Variants in MAN1A1 observed in about 807,000 individuals in gnomAD.
The protein encoded by MAN1A1 is mannosyl-oligosaccharide 1,2-alpha-mannosidase IA.
A neutral mutation model predicts 70.8 loss-of-function variants in MAN1A1; 29 were observed. The observed-to-expected ratio is 0.41, with a 90% CI of 0.31 to 0.56. The LOEUF is 0.56. Ranked by LOEUF, MAN1A1 falls within the 20% of genes least tolerant of loss-of-function variation. MAN1A1 has a pLI of 0.29. For missense variants in MAN1A1, 747 were observed against 841.3 expected, an observed-to-expected ratio of 0.89 and a Z score of 1.39; for synonymous variants, 349 against 330.1, an observed-to-expected ratio of 1.06 and a Z score of -0.62.
chr6:119,342,103 A>G (rs195084), intron 2 of MAN1A1, among the ~76,000 whole-genome samples: 26,783 of 152,214 alleles, frequency 0.18, 2,664 homozygotes, highest in Admixed American at 0.29. Context: ...GAAGAAGCTG[A>G]AGATGTATAT....
At chr6:119,252,129 C>A (rs994128022) in intron 5 of MAN1A1, among the ~76,000 whole-genome samples, 20 of 152,124 alleles carry the variant, frequency 1.3e-4, no homozygotes, top group Admixed American at 4.6e-4. Flanking sequence ...ATGGAAGCAG[C>A]TGGCACTCAA....
At chr6:119,185,723 C>T (rs1160334604) in intron 11 of MAN1A1, among the ~76,000 whole-genome samples, 1 of 151,560 alleles carries the variant, frequency 6.6e-6, no homozygotes, top group East Asian at 1.9e-4. Context: ...ACTACAGGCG[C>T]CCGCCACCAC....
At chr6:119,323,039 T>C (rs3798644) in intron 2 of MAN1A1, among the ~76,000 whole-genome samples, 58,661 of 152,092 alleles carry the variant, frequency 0.39, 11,803 homozygotes, top group African/African-American at 0.41. Flanking sequence ...CTCTCTTAAT[T>C]ACAAAGTCTG....
intron 6 of MAN1A1, among the ~76,000 whole-genome samples, chr6:119,215,239 A>G (rs9385068): frequency 0.42 from 63,553 of 151,974 alleles, 13,783 homozygotes; most frequent in East Asian, 0.67. Flanking sequence ...GATACTAATC[A>G]TTCTCATTTT....
intron 6 of MAN1A1, among the ~76,000 whole-genome samples, chr6:119,212,318 T>C (rs745551232): frequency 6.6e-6 from 1 of 152,056 alleles, no homozygotes; most frequent in Non-Finnish European, 1.5e-5. Context: ...GAAAGAACAG[T>C]TTACTATCAA....
At chr6:119,193,928 A>G in intron 8 of MAN1A1, 36 bp from the exon 9 acceptor site, 1 of 1,379,264 alleles carries the variant, frequency 7.3e-7, no homozygotes, top group Non-Finnish European at 1.0e-6. Context: ...AGAGTGATTC[A>G]GCTTTTAATT....
chr6:119,233,454 G>A (rs1333909790), intron 6 of MAN1A1, among the ~76,000 whole-genome samples: 2 of 152,098 alleles, frequency 1.3e-5, no homozygotes, highest in Non-Finnish European at 2.9e-5. Flanking sequence ...ATCTAAAGAG[G>A]ATCAAAGTCC....
At chr6:119,181,537 T>C (rs1044255670) in intron 11 of MAN1A1, among the ~76,000 whole-genome samples, 1 of 151,940 alleles carries the variant, frequency 6.6e-6, no homozygotes, top group East Asian at 1.9e-4. Flanking sequence ...TACATTTCTG[T>C]AGTTGTCTGA....
chr6:119,242,055 G>C (rs1165979289), intron 6 of MAN1A1, among the ~76,000 whole-genome samples: 2 of 151,590 alleles, frequency 1.3e-5, no homozygotes, highest in East Asian at 1.9e-4. Context: ...AAAGCAACCA[G>C]AACAGTCAGA....
intron 8 of MAN1A1, among the ~76,000 whole-genome samples, chr6:119,194,134 T>C (rs1400904708): frequency 6.6e-6 from 1 of 152,170 alleles, no homozygotes; most frequent in East Asian, 1.9e-4. Flanking sequence ...ATAAAAGATA[T>C]GTAATTACCC....
chr6:119,275,274 C>T (rs1220498167), intron 5 of MAN1A1, among the ~76,000 whole-genome samples: 71 of 106,752 alleles, frequency 6.7e-4, no homozygotes, highest in Non-Finnish European at 2.9e-4. Context: ...CCATACCCAG[C>T]TAATTTTTTT....
intron 5 of MAN1A1, among the ~76,000 whole-genome samples, chr6:119,267,703 C>A (rs1010796723): frequency 6.6e-6 from 1 of 152,158 alleles, no homozygotes; most frequent in Non-Finnish European, 1.5e-5. Context: ...TCTCTCTCCC[C>A]CAAAGTAACC....
chr6:119,286,878 T>C (rs992885788), intron 5 of MAN1A1, among the ~76,000 whole-genome samples: 1 of 152,162 alleles, frequency 6.6e-6, no homozygotes, highest in Admixed American at 6.6e-5. Flanking sequence ...GGTTTGTCTA[T>C]TTTCTCTGCC....
At chr6:119,180,874 TA>T (rs140906183) in intron 11 of MAN1A1, among the ~76,000 whole-genome samples, 10 of 151,380 alleles carry the variant, frequency 6.6e-5, no homozygotes, top group Admixed American at 3.3e-4. Flanking sequence ...GAGTTTTAGG[TA>T]AAAAAAAATT....
chr6:119,242,191 T>C (rs1775031439), intron 6 of MAN1A1, among the ~76,000 whole-genome samples: 1 of 151,960 alleles, frequency 6.6e-6, no homozygotes, highest in Non-Finnish European at 1.5e-5. Context: ...CTAGCTAGCA[T>C]GTAAGACTTA....
chr6:119,273,470 T>C (rs1416278037), intron 5 of MAN1A1, among the ~76,000 whole-genome samples: 1 of 152,186 alleles, frequency 6.6e-6, no homozygotes, highest in African/African-American at 2.4e-5. Context: ...TATTACTCTG[T>C]TATGTGAGCA....
chr6:119,302,173 T>C, intron 3 of MAN1A1, 70 bp from the exon 4 acceptor site: 1 of 710,886 alleles, frequency 1.4e-6, no homozygotes, highest in Non-Finnish European at 2.5e-6. Context: ...TGACCATAAC[T>C]AAGAAAGGGA....
chr6:119,262,465 AAAAT>A (rs953626234), intron 5 of MAN1A1, among the ~76,000 whole-genome samples: 10 of 152,210 alleles, frequency 6.6e-5, no homozygotes, highest in African/African-American at 2.4e-4. Flanking sequence ...AGTAAAAAAA[AAAAT>A]AAATAAATAA....
At chr6:119,328,556 A>C (rs1332542079) in intron 2 of MAN1A1, among the ~76,000 whole-genome samples, 1 of 152,236 alleles carries the variant, frequency 6.6e-6, no homozygotes, top group African/African-American at 2.4e-5. Flanking sequence ...ACAGAGAAAA[A>C]TAATTTTCTG....
Sources: allele counts gnomAD v4.1 joint callset (sites outside exome capture counted in the v4.1 genomes callset), GRCh38; gene constraint gnomAD v4.1.1; transcripts MANE v1.5; gene names NCBI Gene and HGNC (gene_info 2026-07-23, HGNC 2026-07-21).